Variants in GYS2 observed in about 807,000 individuals in gnomAD.
GYS2 encodes the protein glycogen [starch] synthase, liver.
GYS2 carries 80 observed loss-of-function variants against 85.6 expected under a neutral mutation model. The observed-to-expected ratio is 0.93, with a 90% CI of 0.78 to 1.13. GYS2 has a LOEUF of 1.13. Ranked by LOEUF, GYS2 falls within the 50% of genes most tolerant of loss-of-function variation. The pLI, the probability that GYS2 is intolerant of heterozygous loss-of-function variation, is 0.00. For synonymous variants in GYS2, 328 were observed against 300.7 expected, an observed-to-expected ratio of 1.09 and a Z score of -0.94; for missense variants, 881 against 854.9, an observed-to-expected ratio of 1.03 and a Z score of -0.38.
At chr12:21,588,437 G>A (rs757312607) in intron 1 of GYS2, among the ~76,000 whole-genome samples, 1 of 152,172 alleles carries the variant, frequency 6.6e-6, no homozygotes, top group Non-Finnish European at 1.5e-5. Flanking sequence ...AAAGGCAAAT[G>A]TTGATGCTAT....
downstream of GYS2, among the ~76,000 whole-genome samples, chr12:21,533,917 C>T (rs893251750): frequency 4.6e-5 from 7 of 152,258 alleles, no homozygotes; most frequent in African/African-American, 9.6e-5. Context: ...TCATAGATGG[C>T]GCTTTCTTGC....
intron 12 of GYS2, among the ~76,000 whole-genome samples, chr12:21,545,928 T>C (rs575111801): frequency 6.6e-6 from 1 of 152,342 alleles, no homozygotes; most frequent in African/African-American, 2.4e-5. Flanking sequence ...TTAAAAAGAA[T>C]TATTCTAAAA....
chr12:21,551,822 C>T (rs544038406), intron 11 of GYS2, among the ~76,000 whole-genome samples: 1 of 152,286 alleles, frequency 6.6e-6, no homozygotes, highest in African/African-American at 2.4e-5. Flanking sequence ...AATCATCAAA[C>T]TGGCAACCCG....
At position 21,537,038 on chromosome 12, in the gene GYS2, C is replaced by G. The variant is rs764561518; in HGVS notation, c.2028G>C (p.Arg676Ser). 2 of 1,613,940 alleles carry G rather than the reference C, an allele frequency of 1.2e-6. No individual in the cohort carries two copies. The highest frequency in any genetic ancestry group is 2.2e-5 in the South Asian group (2 of 91,082). ...ATGGTGACTTGATATTTAACCGATC[C>G]CTTTCAGCCTCCTCTTCCTCATCGT... The part of the protein sequence containing the change: ...ERYDEEEEAE[R>S]DRLNIKSPFS... The change falls in exon 16 of 16, where the codon AGG (arginine) becomes AGC (serine). Residue 676 changes from arginine to serine, a missense_variant. Transcript: ENST00000261195.
At chr12:21,574,115 G>A (rs1944416792) in intron 4 of GYS2, 29 bp downstream of exon 4, 2 of 1,543,590 alleles carry the variant, frequency 1.3e-6, no homozygotes, top group Non-Finnish European at 1.8e-6. Context: ...AGAAGGGTGA[G>A]TAAGAGGGAG....
At position 21,575,971 on chromosome 12, in the gene GYS2, C is replaced by T. The variant is rs1205332809; in HGVS notation, c.390G>A (p.Trp130Ter). 1.9e-6 allele frequency: 3 copies of T among 1,613,606 alleles called. No individual in the cohort carries two copies. The part of the protein sequence containing the change: ...IGYSAWNLDR[W>*]KGDLWEACSV... ...TGCATGCTTCCCAGAGGTCACCCTTCCACCTGTCCAGATTCCAAGCTGAAT... is the reference window on the plus strand; with the variant it reads ...TGCATGCTTCCCAGAGGTCACCCTTTCACCTGTCCAGATTCCAAGCTGAAT... Residue 130 changes from tryptophan to a stop codon, truncating the protein, a stop_gained, in exon 3 of 16, where the codon TGG becomes TGA. Transcript: ENST00000261195. LOFTEE classifies it high-confidence loss of function.
chr12:21,568,940 G>T lies in GYS2; in HGVS notation c.748C>A (p.His250Asn). 1 of 1,613,464 alleles carries T rather than the reference G, an allele frequency of 6.2e-7. No individual in the cohort carries two copies. The highest frequency in any genetic ancestry group is 8.5e-7 in the Non-Finnish European group (1 of 1,179,358). Residue 250 changes from histidine (H) to asparagine (N), a missense_variant, in exon 5 of 16, where the codon CAT becomes AAT. Transcript: ENST00000261195. Reference protein sequence around the residue: ...HRYCMERASVHCAHVFTTVSE... With the variant: ...HRYCMERASVNCAHVFTTVSE... The stretch of plus-strand genomic sequence containing the variant: ...ACCGTGGTGAACACGTGAGCGCAAT[G>T]AACGGAAGCTCGCTCCATGCAGTAC...
intron 13 of GYS2, among the ~76,000 whole-genome samples, chr12:21,541,280 AAAAAAAAAAAAC>A (rs1406309230): frequency 4.6e-4 from 64 of 140,246 alleles, no homozygotes; most frequent in East Asian, 2.6e-3. Flanking sequence ...AAAAAAAAAA[AAAAAAAAAAAAC>A]AAAAAACCCA....
intron 1 of GYS2, among the ~76,000 whole-genome samples, chr12:21,598,490 C>G (rs1944720232): frequency 6.6e-6 from 1 of 151,856 alleles, no homozygotes; most frequent in Non-Finnish European, 1.5e-5. Context: ...TTTGTCCTCC[C>G]CATATTTTTA....
intron 1 of GYS2, among the ~76,000 whole-genome samples, chr12:21,594,676 G>A (rs919339106): frequency 1.3e-5 from 2 of 151,954 alleles, no homozygotes; most frequent in South Asian, 2.1e-4. Flanking sequence ...ACTACCCAAA[G>A]CAATCTACAG....
At chr12:21,586,653 C>G (rs923986792) in intron 1 of GYS2, among the ~76,000 whole-genome samples, 5 of 152,048 alleles carry the variant, frequency 3.3e-5, no homozygotes, top group Admixed American at 2.0e-4. Context: ...GAATGGCTAT[C>G]ATTATAAAGT....
intron 1 of GYS2, among the ~76,000 whole-genome samples, chr12:21,594,312 C>T (rs11513420): frequency 0.2 from 30,336 of 152,018 alleles, 3,241 homozygotes; most frequent in Non-Finnish European, 0.23. Context: ...TGAAGTCAAA[C>T]TGTCCATCTT....
intron 8 of GYS2, among the ~76,000 whole-genome samples, chr12:21,560,127 GT>G (rs1249231693): frequency 6.6e-6 from 1 of 152,108 alleles, no homozygotes; most frequent in Non-Finnish European, 1.5e-5. Context: ...GTTAAAAAAT[GT>G]TTGACTCATC....
In GYS2 at chr12:21,582,232, T is replaced by C. The variant is rs547672216; in HGVS notation, c.122-1709A>G. ...ACTGAAGGATGCAAAGTAATGATCT[T>C]GGGTGTGTCTGTGAGGGTGTTACCA... On this transcript the variant is annotated intron_variant, in intron 1 of 15. Coordinates refer to ENST00000261195, the MANE Select transcript of GYS2 (RefSeq NM_021957.4). Among the ~76,000 whole-genome samples the C allele has an allele frequency of 5.9e-4, 90 of 152,272 alleles. 1 individual carries two copies. Among genetic ancestry groups the C allele is most frequent in the Non-Finnish European group, 1.1e-3 (78 of 68,016 alleles).
At chr12:21,543,614 A>G (rs1944004454) in intron 12 of GYS2, among the ~76,000 whole-genome samples, 2 of 151,898 alleles carry the variant, frequency 1.3e-5, no homozygotes, top group Non-Finnish European at 2.9e-5. Flanking sequence ...TCTGGGACAC[A>G]TGTGCTGAAC....
At position 21,558,210 on chromosome 12, in the gene GYS2, T is replaced by C. The variant is rs1944206468; in HGVS notation, c.1412A>G (p.Asp471Gly). ...RRIGLFNNRT[D>G]RVKVILHPEF... ...AACAATTTGTTCTACCTTGACTCTATCTGTGCGGTTGTTGAAAAGTCCAAT... is the reference window on the plus strand; with the variant it reads ...AACAATTTGTTCTACCTTGACTCTACCTGTGCGGTTGTTGAAAAGTCCAAT... The change falls in exon 11 of 16, where the codon GAT becomes GGT. Residue 471 changes from aspartate to glycine, a missense_variant. Asp to Gly is a moderately conservative substitution (Grantham distance 94, BLOSUM62 -1). Transcript: ENST00000261195. The C allele has an allele frequency of 1.3e-6, 2 of 1,594,880 alleles. No individual in the cohort carries two copies. The highest frequency in any genetic ancestry group is 1.7e-6 in the Non-Finnish European group (2 of 1,162,414).
chr12:21,561,070 C>T (rs1025267960), intron 7 of GYS2, among the ~76,000 whole-genome samples: 1 of 152,110 alleles, frequency 6.6e-6, no homozygotes, highest in South Asian at 2.1e-4. Flanking sequence ...AGCAAAGAAA[C>T]AAGCACATGA....
intron 1 of GYS2, among the ~76,000 whole-genome samples, chr12:21,595,129 C>A (rs1303508996): frequency 6.6e-6 from 1 of 152,124 alleles, no homozygotes; most frequent in Non-Finnish European, 1.5e-5. Flanking sequence ...GAAATATAAT[C>A]CCCAACTTCT....
chr12:21,557,247 T>G (rs750810433), intron 11 of GYS2, among the ~76,000 whole-genome samples: 8 of 152,210 alleles, frequency 5.3e-5, no homozygotes, highest in Non-Finnish European at 1.5e-5. Context: ...AGGTAAGCAA[T>G]TATCTGTTTG....
Sources: gnomAD v4.1 joint callset for allele counts (sites outside exome capture counted in the v4.1 genomes callset) on GRCh38, gnomAD v4.1.1 for gene constraint, MANE v1.5 for transcripts, NCBI Gene and HGNC (gene_info 2026-07-23, HGNC 2026-07-21) for gene names.